The following CFAP65 variants were observed in gnomAD, a reference collection of about 807,000 sequenced individuals.
The protein encoded by CFAP65 is cilia and flagella associated protein 65.
CFAP65 carries 155 observed loss-of-function variants against 208.0 expected under a neutral mutation model. The observed-to-expected ratio is 0.75, with a 90% CI of 0.65 to 0.85. The LOEUF is 0.85. Among genes scored for constraint, CFAP65 ranks in the 40% least tolerant of loss-of-function variants. The pLI, the probability that CFAP65 is intolerant of heterozygous loss-of-function variation, is 0.00. For synonymous variants in CFAP65, 970 were observed against 986.3 expected (o/e 0.98, Z 0.31); for missense variants, 2,294 against 2,451.3 (o/e 0.94, Z 1.36).
At position 219,028,281 on chromosome 2, in the gene CFAP65, G is replaced by A; in HGVS notation, c.1771C>T (p.Pro591Ser). The A allele has an allele frequency of 6.2e-7, 1 of 1,614,084 alleles. No homozygotes were observed. The highest frequency in any genetic ancestry group is 8.5e-7 in the Non-Finnish European group (1 of 1,180,000). Reference sequence around the variant, plus strand: ...AGCATGGCATCCAGGATGTCAGGGGGGTAGAGCGTCAGGCCCCGGGCCAGG... The same window carrying A: ...AGCATGGCATCCAGGATGTCAGGGGAGTAGAGCGTCAGGCCCCGGGCCAGG... ...THLARGLTLY[P>S]PDILDAMLKE... The change falls in exon 12 of 35, where the codon CCC becomes TCC. Residue 591 changes from proline (P) to serine (S), a missense_variant. By Grantham distance (74) the Pro-to-Ser change is moderately conservative (BLOSUM62 -1). Coordinates refer to ENST00000341552, the MANE Select transcript of CFAP65 (RefSeq NM_194302.4).
chr2:219,041,440 G>A (rs193125658), intron 1 of CFAP65, 48 bp downstream of exon 1: 2 of 1,547,654 alleles, frequency 1.3e-6, no homozygotes, highest in Non-Finnish European at 8.7e-7. Flanking sequence ...GGCCACTCGC[G>A]CCGCTCCCTG....
chr2:219,010,115 A>G, intron 26 of CFAP65, 30 bp from the exon 27 acceptor site: 2 of 1,556,364 alleles, frequency 1.3e-6, no homozygotes, highest in East Asian at 2.3e-5. Context: ...GTAAAGAAAT[A>G]AGAACCGGCC....
chr2:219,006,029 A>T lies in CFAP65; in HGVS notation c.4914T>A (p.Phe1638Leu). 1 of 1,613,362 alleles carries T rather than the reference A, an allele frequency of 6.2e-7. No individual in the cohort carries two copies. The highest frequency in any genetic ancestry group is 8.5e-7 in the Non-Finnish European group (1 of 1,179,998). ...ANFFSEFPCHFLHRELPKRKA... is the reference protein window; with the variant it reads ...ANFFSEFPCHLLHRELPKRKA... ...CCTTCCCAAGAGCTTACCGGTGCAA[A>T]AAGTGGCAGGGAAACTCTGAGAAGA... Residue 1638 changes from phenylalanine to leucine, a missense_variant, in exon 31 of 35, where the codon TTT becomes TTA. Coordinates refer to ENST00000341552, the MANE Select transcript of CFAP65 (RefSeq NM_194302.4).
intron 5 of CFAP65, chr2:219,034,802 G>C (rs1199381727): frequency 6.6e-6 from 1 of 152,296 alleles, no homozygotes; most frequent in Non-Finnish European, 1.5e-5. Context: ...AGTAATCAGG[G>C]AAATGCAAAT....
intron 16 of CFAP65, 119 bp downstream of exon 16, chr2:219,023,088 G>C (rs1947374315): frequency 1.3e-6 from 1 of 798,088 alleles, no homozygotes; most frequent in Non-Finnish European, 2.1e-6. Context: ...CGCCAGGTGG[G>C]GGAAGTTACT....
intron 5 of CFAP65, among the ~76,000 whole-genome samples, chr2:219,033,433 G>A (rs1280714727): frequency 1.3e-5 from 2 of 151,626 alleles, no homozygotes; most frequent in Non-Finnish European, 2.9e-5. Flanking sequence ...CCATGTTAAT[G>A]CCACTATACT....
rs1431588271 is a variant in CFAP65 at position 219,031,720 on chromosome 2, C to T, written c.646-62G>A. The T allele has an allele frequency of 2.1e-5, 32 of 1,538,144 alleles. No homozygotes were observed. The highest frequency in any genetic ancestry group is 1.6e-4 in the South Asian group (13 of 78,852). On this transcript the variant is annotated intron_variant, in intron 6 of 34. Transcript: ENST00000341552. This position sits in a 1 kb window ranked among gnomAD's most constrained non-coding sequence, Gnocchi z 5.2. ...AGTGGCATTCAGGGACTGCACATCC[C>T]GCCCACCCTCAGCCACCCCCAACAC... is the stretch of plus-strand genomic sequence containing the variant.
At chr2:219,019,289 TC>T (rs1245929481) in intron 20 of CFAP65, 110 bp from the exon 21 acceptor site, 5 of 1,388,508 alleles carry the variant, frequency 3.6e-6, no homozygotes, top group African/African-American at 2.9e-5. Context: ...AACTGGAGAA[TC>T]TGGGACTCAG....
In CFAP65 at chr2:219,032,701, G is replaced by A; in HGVS notation, c.543-129C>T. The stretch of plus-strand genomic sequence containing the variant: ...GGGACCACAGAGAAAGCGATCAGGA[G>A]ATGAGCACGTGGAGATGGAAACTCA... On this transcript the variant is annotated intron_variant, in intron 5 of 34. Transcript: ENST00000341552. The surrounding 1 kb of genome is among the most constrained non-coding windows in gnomAD (Gnocchi z 5.5). The A allele has an allele frequency of 1.4e-6, 1 of 727,388 alleles. No individual in the cohort carries two copies. Among genetic ancestry groups the A allele is most frequent in the Non-Finnish European group, 2.2e-6 (1 of 444,762 alleles). 45.1% of individuals were successfully genotyped at this position (727,388 alleles called of 1,614,324 possible).
chr2:219,030,664 G>GCCGCCCCTCCTGCCTGGTGCCTA, intron 9 of CFAP65, 25 bp downstream of exon 9: 1 of 1,607,598 alleles, frequency 6.2e-7, no homozygotes. Flanking sequence ...CGTGAGTCCT[G>GCCGCCCCTCCTGCCTGGTGCCTA]CCGCCCCTCC....
In CFAP65 at chr2:219,022,141, G is replaced by A. The variant is rs926429715; in HGVS notation, c.2979+30C>T. On this transcript the variant is annotated intron_variant, in intron 17 of 34. Coordinates refer to ENST00000341552, the MANE Select transcript of CFAP65 (RefSeq NM_194302.4). The stretch of plus-strand genomic sequence containing the variant: ...CCCACCTGTCCGGGCCTCTCCCCCA[G>A]CCCCCTCCTGCCAGAGCCCTCCCAC... 13 of 1,537,192 alleles carry A rather than the reference G, an allele frequency of 8.5e-6. No individual in the cohort carries two copies. The East Asian group carries it at 2.8e-4, about 33-fold the overall frequency.
At chr2:219,023,863 C>T (rs1485387640) in intron 15 of CFAP65, 152 bp downstream of exon 15, 4 of 972,248 alleles carry the variant, frequency 4.1e-6, no homozygotes, top group South Asian at 3.2e-5. Flanking sequence ...CAGAAGTGGT[C>T]AAGCAGGTTC....
chr2:219,023,536 C>T (rs1947414486), intron 15 of CFAP65, 105 bp from the exon 16 acceptor site: 2 of 833,282 alleles, frequency 2.4e-6, no homozygotes, highest in South Asian at 1.6e-5. Context: ...CCACTTGAAG[C>T]AGGCAGTCAA....
Position 219,029,613 on chromosome 2 carries a change from C to G in CFAP65, c.1440G>C (p.Gly480=). ...YCVNFSWVNL[G]ERSEQPLWIE... Reference sequence around the variant, plus strand: ...TCCACAGGGGCTGCTCGGAGCGCTCCCCAAGGTTGACCCAGCTGAAGTTGA... The same window carrying G: ...TCCACAGGGGCTGCTCGGAGCGCTCGCCAAGGTTGACCCAGCTGAAGTTGA... Residue 480 remains glycine (G), a synonymous_variant, in exon 11 of 35, where the codon GGG becomes GGC. Transcript: ENST00000341552. The G allele has an allele frequency of 6.2e-7, 1 of 1,614,070 alleles. No homozygotes were observed. The highest frequency in any genetic ancestry group is 1.1e-5 in the South Asian group (1 of 91,068).
rs1015742525 is a variant in CFAP65, at chr2:219,031,780, C to T, written c.646-122G>A. 71 of 1,178,646 alleles carry T rather than the reference C, an allele frequency of 6.0e-5. No individual in the cohort carries two copies. The highest frequency in any genetic ancestry group is 7.8e-5 in the Non-Finnish European group (66 of 841,108). The allele number at this position is 1,178,646 out of a possible 1,614,324, so 73.0% of individuals were successfully genotyped here. On this transcript the variant is annotated intron_variant, in intron 6 of 34. Transcript: ENST00000341552. This position sits in a 1 kb window ranked among gnomAD's most constrained non-coding sequence, Gnocchi z 5.2. The stretch of plus-strand genomic sequence containing the variant: ...GGGGAGGGCCAGGCCGTGGCACCCA[C>T]GTCAGACTCTGAGGGGAGCTGGGCA...
intron 28 of CFAP65, 46 bp downstream of exon 28, chr2:219,009,301 G>T: frequency 6.7e-7 from 1 of 1,496,490 alleles, no homozygotes; most frequent in Non-Finnish European, 9.3e-7. Flanking sequence ...CCCCAGCATT[G>T]GGAGCCATGC....
chr2:219,022,430 C>T (rs1415929476), intron 16 of CFAP65, 101 bp from the exon 17 acceptor site: 22 of 1,365,076 alleles, frequency 1.6e-5, no homozygotes, highest in Non-Finnish European at 2.1e-5. Context: ...TACGTTAGCC[C>T]TTTCTCAGAA....
In CFAP65 at chr2:219,013,256, G is replaced by T; in HGVS notation, c.3957+3C>A. The T allele has an allele frequency of 6.2e-7, 1 of 1,605,378 alleles. No homozygotes were observed. The highest frequency in any genetic ancestry group is 8.5e-7 in the Non-Finnish European group (1 of 1,172,758). On this transcript the variant is annotated splice_donor_region_variant and intron_variant, in intron 24 of 34. Coordinates refer to ENST00000341552, the MANE Select transcript of CFAP65 (RefSeq NM_194302.4). ...GGTCAACAGGACAATGTGGACCACT[G>T]ACCTGCCGTGGGGGTAGCGTGTCAC... is the stretch of plus-strand genomic sequence containing the variant.
chr2:219,028,341 G>A lies in CFAP65; in HGVS notation c.1711C>T (p.Leu571=), dbSNP rs1416494162. The change falls in exon 12 of 35, where the codon CTG becomes TTG. Residue 571 remains leucine, a synonymous_variant. Transcript: ENST00000341552. ...CHSDSTKPAI[L]KPQHLTWYRT... ...TACCAGGTGAGGTGCTGAGGCTTCAGGATGGCTGGCTTGGTGCTGTCCGAG... is the reference window on the plus strand; with the variant it reads ...TACCAGGTGAGGTGCTGAGGCTTCAAGATGGCTGGCTTGGTGCTGTCCGAG... The A allele has an allele frequency of 6.2e-7, 1 of 1,613,894 alleles. No individual in the cohort carries two copies. The highest frequency in any genetic ancestry group is 1.3e-5 in the African/African-American group (1 of 74,860).
Sources: gnomAD v4.1 joint callset for allele counts (sites outside exome capture counted in the v4.1 genomes callset) on GRCh38, gnomAD v4.1.1 for gene constraint, Gnocchi (gnomAD v3.1) non-coding constraint, MANE v1.5 for transcripts, NCBI Gene and HGNC (gene_info 2026-07-23, HGNC 2026-07-21) for gene names.